ASH1L: variants seen among roughly 807,000 people sequenced by gnomAD.
ASH1L encodes histone-lysine N-methyltransferase ASH1L.
A neutral mutation model predicts 269.0 loss-of-function variants in ASH1L; 23 were observed. That is an observed-to-expected ratio of 0.09 (90% confidence interval 0.06 to 0.12). The LOEUF (loss-of-function observed/expected upper bound fraction) is 0.12, where lower values mean the gene tolerates loss of function less well. ASH1L is among the 10% of genes least tolerant of loss of function. The pLI is 1.00. For synonymous variants in ASH1L, 1,187 were observed against 1,253.5 expected (o/e 0.95, Z 1.12); for missense variants, 2,912 against 3,567.8 (o/e 0.82, Z 4.68).
intron 7 of ASH1L, among the ~76,000 whole-genome samples, chr1:155,395,086 G>A (rs1393478514): frequency 6.6e-6 from 1 of 152,110 alleles, no homozygotes; most frequent in Non-Finnish European, 1.5e-5. Context: ...ACAGACCTGT[G>A]CCACCACGTC....
intron 6 of ASH1L, among the ~76,000 whole-genome samples, chr1:155,406,236 T>G (rs1365516363): frequency 6.7e-6 from 1 of 148,960 alleles, no homozygotes; most frequent in Non-Finnish European, 1.5e-5. Flanking sequence ...ATGACAAAAC[T>G]TCCCAAATTG....
chr1:155,512,280 G>A (rs889594524), intron 2 of ASH1L, among the ~76,000 whole-genome samples: 1 of 151,818 alleles, frequency 6.6e-6, no homozygotes, highest in Non-Finnish European at 1.5e-5. Context: ...CACAGGGCGT[G>A]GTGGCATGCA....
rs188890676 is a variant in ASH1L, at chr1:155,527,603, C to G, written c.-99-5985G>C. On this transcript the variant is annotated intron_variant, in intron 1 of 27. Transcript: ENST00000392403. The stretch of plus-strand genomic sequence containing the variant: ...CCTGGCCAGAGTGCAGTGGCACAAT[C>G]ATAGCTCACTGCAGCCTCAAAATCC... Among the ~76,000 whole-genome samples the G allele has an allele frequency of 4.2e-5, 6 of 141,624 alleles. No homozygotes were observed. The East Asian group carries it at 1.4e-3, about 33-fold the overall frequency. 92.9% of individuals were successfully genotyped at this position (141,624 alleles called of 152,430 possible).
At chr1:155,383,247 A>G (rs936103653) in intron 7 of ASH1L, among the ~76,000 whole-genome samples, 2 of 152,214 alleles carry the variant, frequency 1.3e-5, no homozygotes, top group African/African-American at 4.8e-5. Flanking sequence ...AAAAATAAAA[A>G]TTTAGTGTAG....
At chr1:155,367,589 A>T (rs951642957) in intron 12 of ASH1L, among the ~76,000 whole-genome samples, 1 of 152,134 alleles carries the variant, frequency 6.6e-6, no homozygotes, top group African/African-American at 2.4e-5. Context: ...AAGATTTTTT[A>T]AAAATGGATT....
chr1:155,340,247 G>C (rs1265144800), intron 25 of ASH1L, among the ~76,000 whole-genome samples: 2 of 151,882 alleles, frequency 1.3e-5, no homozygotes, highest in Admixed American at 6.6e-5. Flanking sequence ...ACAGTGGTGC[G>C]ATCTTGGCTC....
At chr1:155,534,053 T>TTTTA (rs957164610) in intron 1 of ASH1L, among the ~76,000 whole-genome samples, 5 of 151,302 alleles carry the variant, frequency 3.3e-5, no homozygotes, top group African/African-American at 7.3e-5. Flanking sequence ...TTATTATTAT[T>TTTTA]TTTATTTATT....
At chr1:155,356,078 C>G (rs1654361029) in intron 15 of ASH1L, among the ~76,000 whole-genome samples, 1 of 151,998 alleles carries the variant, frequency 6.6e-6, no homozygotes, top group South Asian at 2.1e-4. Flanking sequence ...GCTGAGATGA[C>G]AGGCATGCAC....
chr1:155,527,241 C>T (rs72995151), intron 1 of ASH1L, among the ~76,000 whole-genome samples: 242 of 152,154 alleles, frequency 1.6e-3, no homozygotes, highest in African/African-American at 5.7e-3. Context: ...CCTCTTGACT[C>T]CACATCCTCC....
chr1:155,468,699 T>C (rs917452517), intron 3 of ASH1L, among the ~76,000 whole-genome samples: 5 of 152,188 alleles, frequency 3.3e-5, no homozygotes, highest in African/African-American at 7.2e-5. Flanking sequence ...ATACCTATTA[T>C]ACAGTAGGTA....
rs1672044529 is a variant in ASH1L, at chr1:155,562,287, G to A, written c.-234C>T. ...CCGCTTGTCAGGAGGCGGCCAGCGGGTAAGCTGACTGGCGGAAATGCGAGA... is the reference window on the plus strand; with the variant it reads ...CCGCTTGTCAGGAGGCGGCCAGCGGATAAGCTGACTGGCGGAAATGCGAGA... On this transcript the variant is annotated 5_prime_UTR_variant, in exon 1 of 28. Coordinates refer to ENST00000392403, the MANE Select transcript of ASH1L (RefSeq NM_018489.3). 2 of 1,603,000 alleles carry A rather than the reference G, an allele frequency of 1.2e-6. No individual in the cohort carries two copies. Among genetic ancestry groups the A allele is most frequent in the Admixed American group, 1.7e-5 (1 of 59,794 alleles).
intron 17 of ASH1L, among the ~76,000 whole-genome samples, chr1:155,350,920 T>TAAAAAAA (rs71077999): frequency 7.5e-6 from 1 of 134,100 alleles, no homozygotes; most frequent in Non-Finnish European, 1.6e-5. Context: ...GACTCCGTCC[T>TAAAAAAA]AAAAAAAAAA....
chr1:155,521,576 A>G lies in ASH1L; in HGVS notation c.-57T>C. ...TGAAAATTTTACAGAACTGTGTTCC[A>G]TAAAAAACAAGGATCTCCAAAACTC... On this transcript the variant is annotated 5_prime_UTR_variant, in exon 2 of 28. It removes an upstream start codon present in the reference 5' UTR. Coordinates refer to ENST00000392403, the MANE Select transcript of ASH1L (RefSeq NM_018489.3). The G allele has an allele frequency of 6.7e-7, 1 of 1,494,636 alleles. No individual in the cohort carries two copies. 92.6% of individuals were successfully genotyped at this position (1,494,636 alleles called of 1,614,324 possible).
intron 4 of ASH1L, among the ~76,000 whole-genome samples, chr1:155,451,689 C>T (rs1663483169): frequency 6.6e-6 from 1 of 151,302 alleles, no homozygotes; most frequent in Admixed American, 6.6e-5. Context: ...ACTTGGAATC[C>T]AGCCTGGGCG....
intron 1 of ASH1L, among the ~76,000 whole-genome samples, chr1:155,536,144 T>C (rs1234382804): frequency 6.6e-6 from 1 of 152,054 alleles, no homozygotes. Context: ...ACCCAGGAAA[T>C]GGAGGTTCTA....
At chr1:155,357,990 C>T (rs990108247) in intron 13 of ASH1L, among the ~76,000 whole-genome samples, 25 of 152,040 alleles carry the variant, frequency 1.6e-4, no homozygotes, top group Non-Finnish European at 2.2e-4. Flanking sequence ...AGGCTGGTCT[C>T]GAACTCCAGG....
intron 5 of ASH1L, chr1:155,433,789 G>C (rs1243301091): frequency 6.2e-7 from 1 of 1,606,308 alleles, no homozygotes; most frequent in Non-Finnish European, 8.5e-7. Context: ...TGCGGCCCTT[G>C]CTGCAGAAGT....
intron 2 of ASH1L, among the ~76,000 whole-genome samples, chr1:155,505,206 C>A (rs1667735816): frequency 6.6e-6 from 1 of 152,186 alleles, no homozygotes; most frequent in South Asian, 2.1e-4. Context: ...TGTGAGACAT[C>A]CTAAGTGTGC....
At chr1:155,476,650 C>T (rs1288054358) in intron 3 of ASH1L, among the ~76,000 whole-genome samples, 4 of 151,162 alleles carry the variant, frequency 2.6e-5, no homozygotes, top group African/African-American at 4.9e-5. Context: ...CTCCAGAGTT[C>T]ACGCCATTCT....
Sources: allele counts gnomAD v4.1 joint callset (sites outside exome capture counted in the v4.1 genomes callset), GRCh38; gene constraint gnomAD v4.1.1; transcripts MANE v1.5; gene names NCBI Gene and HGNC (gene_info 2026-07-23, HGNC 2026-07-21).